Variants in COL6A2 observed in about 807,000 individuals in gnomAD.
COL6A2 encodes collagen alpha-2(VI) chain.
In COL6A2, 90 loss-of-function variants were observed where a neutral mutation model predicts 124.9. The observed-to-expected ratio is 0.72, with a 90% CI of 0.61 to 0.86. The LOEUF is 0.86. Among genes scored for constraint, COL6A2 ranks in the 40% least tolerant of loss-of-function variants. The pLI is 0.00. For synonymous variants in COL6A2, 793 were observed against 618.2 expected (o/e 1.28, Z -4.19); for missense variants, 1,607 against 1,502.5 (o/e 1.07, Z -1.15).
Position 46,118,545 on chromosome 21 carries a change from C to T in COL6A2, c.1117-69C>T, listed in dbSNP as rs139441542. ...CAAGCCCGACCGTGGGTCCTGCCCC[C>T]GCAGCGGGCATCCTGCACCCCCCTT... On this transcript the variant is annotated intron_variant, in intron 12 of 27. Transcript: ENST00000300527. 3.1e-4 allele frequency: 464 copies of T among 1,481,320 alleles called. 2 individuals carry two copies. In the Middle Eastern group the frequency reaches 4.1e-3, roughly 13 times the overall value. 91.8% of individuals were successfully genotyped at this position (1,481,320 alleles called of 1,614,324 possible).
chr21:46,126,275 G>A (rs2078666442), intron 26 of COL6A2, 38 bp downstream of exon 26: 1 of 1,590,320 alleles, frequency 6.3e-7, no homozygotes. Flanking sequence ...CCGAGGAGCA[G>A]CAGGCCCCAG....
At chr21:46,117,836 C>G (rs368726576) in intron 11 of COL6A2, 38 bp from the exon 12 acceptor site, 5 of 1,588,832 alleles carry the variant, frequency 3.1e-6, no homozygotes, top group East Asian at 4.5e-5. Flanking sequence ...GAACCCCACC[C>G]GCCGTGTGCC....
rs150057026 is a variant in COL6A2 at position 46,111,556 on chromosome 21, C to T, written c.80C>T (p.Ser27Leu). 3.3e-5 allele frequency: 54 copies of T among 1,612,762 alleles called. No homozygotes were observed. Among genetic ancestry groups the T allele is most frequent in the Middle Eastern group, 1.6e-4 (1 of 6,078 alleles). ...CAGGCCCAGCAGCAGGAGGTCATCT[C>T]GCCGGACACTACCGAGAGAAACAAC... The part of the protein sequence containing the change: ...AIQAQQQEVI[S>L]PDTTERNNNC... Residue 27 changes from serine to leucine, a missense_variant, in exon 2 of 28, where the codon TCG (serine) becomes TTG (leucine). This residue lies in a region of COL6A2 where 342 missense variants were observed against 381.5 expected (regional missense o/e 0.90). Transcript: ENST00000300527.
chr21:46,127,638 A>T (rs2078692982), intron 27 of COL6A2, among the ~76,000 whole-genome samples: 1 of 150,298 alleles, frequency 6.7e-6, no homozygotes, highest in Non-Finnish European at 1.5e-5. Flanking sequence ...TCCTCCACCC[A>T]CCCCCTCGTT....
chr21:46,109,481 G>T lies in COL6A2; in HGVS notation c.-27-1969G>T, dbSNP rs535196928. On this transcript the variant is annotated intron_variant, in intron 1 of 27. Coordinates refer to ENST00000300527, the MANE Select transcript of COL6A2 (RefSeq NM_001849.4). ...CAGGCCTGCCCCAGCCTGAAGGTGG[G>T]GCTTCACTGGGGACCCATCCTCTTC... Among the ~76,000 whole-genome samples the T allele has an allele frequency of 1.6e-4, 24 of 152,274 alleles. 1 individual carries two copies. The South Asian group carries it at 4.1e-3, about 26-fold the overall frequency.
intron 5 of COL6A2, among the ~76,000 whole-genome samples, chr21:46,115,554 G>A (rs1601224385): frequency 6.6e-6 from 1 of 152,210 alleles, no homozygotes; most frequent in African/African-American, 2.4e-5. Flanking sequence ...AGAGCCCAGT[G>A]TTGGCCACAG....
intron 27 of COL6A2, among the ~76,000 whole-genome samples, chr21:46,126,990 C>T (rs2078680579): frequency 7.4e-6 from 1 of 134,426 alleles, no homozygotes; most frequent in Non-Finnish European, 1.6e-5. Flanking sequence ...CCTGGCCTGC[C>T]TCGGAGCTGC....
chr21:46,103,129 A>G (rs1479898660), intron 1 of COL6A2, among the ~76,000 whole-genome samples: 6 of 152,038 alleles, frequency 3.9e-5, no homozygotes, highest in Non-Finnish European at 8.8e-5. Context: ...CTATTTCTTC[A>G]TGATTTGATT....
intron 16 of COL6A2, 40 bp from the exon 17 acceptor site, chr21:46,121,021 G>C (rs775138758): frequency 1.3e-6 from 2 of 1,596,154 alleles, no homozygotes; most frequent in African/African-American, 1.3e-5. Flanking sequence ...GGGTGCTGCT[G>C]TCAGTCAAGA....
Position 46,125,467 on chromosome 21 carries a change from T to C in COL6A2, c.1819T>C (p.Cys607Arg). The C allele has an allele frequency of 1.9e-6, 3 of 1,603,298 alleles. No homozygotes were observed. The highest frequency in any genetic ancestry group is 1.3e-5 in the African/African-American group (1 of 74,938). The change falls in exon 25 of 28, where the codon TGT becomes CGT. Residue 607 changes from cysteine to arginine, a missense_variant and splice_region_variant. Physicochemically the swap from Cys to Arg is radical, Grantham distance 180. Transcript: ENST00000300527. ...YVRETCGCCDCEKRCGALDVV... is the reference protein window; with the variant it reads ...YVRETCGCCDREKRCGALDVV... The stretch of plus-strand genomic sequence containing the variant: ...CGATGACCCTGCCACCCCCCCAGAC[T>C]GTGAGAAGCGCTGTGGCGCCCTGGA...
chr21:46,131,954 A>C lies in COL6A2; in HGVS notation c.2462A>C (p.Glu821Ala), dbSNP rs2123454364. ...IVCPDLPCQT[E>A]LSVAQCTQRP... ...AGCCCGCACCTGCGTCTCCCCACAG[A>C]GCTGTCCGTGGCACAGTGCACGCAG... is the stretch of plus-strand genomic sequence containing the variant. The change falls in exon 28 of 28, where the codon GAG (glutamate) becomes GCG (alanine). Residue 821 changes from glutamate to alanine, a missense_variant and splice_region_variant. Transcript: ENST00000300527. 1 of 1,598,922 alleles carries C rather than the reference A, an allele frequency of 6.3e-7. No homozygotes were observed. The highest frequency in any genetic ancestry group is 1.3e-5 in the African/African-American group (1 of 74,620).
At chr21:46,109,362 C>G (rs1055332347) in intron 1 of COL6A2, among the ~76,000 whole-genome samples, 19 of 152,202 alleles carry the variant, frequency 1.2e-4, no homozygotes, top group African/African-American at 4.3e-4. Flanking sequence ...GAAGTGCATG[C>G]TGATTGGTCC....
chr21:46,105,747 G>T (rs1213319687), intron 1 of COL6A2, among the ~76,000 whole-genome samples: 1 of 151,778 alleles, frequency 6.6e-6, no homozygotes, highest in Admixed American at 6.5e-5. Flanking sequence ...AATGAGGAAG[G>T]GATTTAAATG....
At chr21:46,126,732 G>A (rs2078676152) in intron 27 of COL6A2, among the ~76,000 whole-genome samples, 191 bp downstream of exon 27, 1 of 152,164 alleles carries the variant, frequency 6.6e-6, no homozygotes, top group Admixed American at 6.5e-5. Context: ...GGGAAGGCAG[G>A]CTCCCAGGAA....
intron 1 of COL6A2, among the ~76,000 whole-genome samples, chr21:46,108,230 A>C (rs182242350): frequency 6.6e-6 from 1 of 151,720 alleles, no homozygotes. Flanking sequence ...TTACTGTCTT[A>C]TTGCATTGGC....
At chr21:46,128,780 C>G in intron 27 of COL6A2, 1 of 836,730 alleles carries the variant, frequency 1.2e-6, no homozygotes, top group South Asian at 1.3e-5. Flanking sequence ...CCCAGAGAGG[C>G]TGAGGAAGGG....
At chr21:46,124,542 C>G (rs965016255) in intron 21 of COL6A2, 109 bp from the exon 22 acceptor site, 12 of 954,474 alleles carry the variant, frequency 1.3e-5, no homozygotes, top group Admixed American at 5.4e-5. Context: ...TGTTAGCCCC[C>G]CCCCCCGCCA....
intron 1 of COL6A2, among the ~76,000 whole-genome samples, chr21:46,100,716 AACGTATGTC>A (rs2078279722): frequency 6.6e-6 from 1 of 152,174 alleles, no homozygotes; most frequent in South Asian, 2.1e-4. Context: ...TCCACACTGT[AACGTATGTC>A]AGCATTCCCT....
chr21:46,111,413 A>T, intron 1 of COL6A2, 37 bp from the exon 2 acceptor site: 1 of 1,249,300 alleles, frequency 8.0e-7, no homozygotes, highest in Non-Finnish European at 1.2e-6. Context: ...GGGGAGAGGC[A>T]CTGGGGGTGT....
Sources: gnomAD v4.1 joint callset for allele counts (sites outside exome capture counted in the v4.1 genomes callset) on GRCh38, gnomAD v4.1.1 for gene constraint, gnomAD v4.1.1 regional missense constraint, MANE v1.5 for transcripts, NCBI Gene and HGNC (gene_info 2026-07-23, HGNC 2026-07-21) for gene names.